The following TMEM150C variants were observed in gnomAD, a reference collection of about 807,000 sequenced individuals.
TMEM150C encodes the protein transmembrane protein 150C, also known as tentonin 3.
Under a neutral mutation model 29.9 loss-of-function variants are expected in TMEM150C, and 10 were observed. The ratio of observed to expected loss-of-function variants is 0.33; its 90% confidence interval spans 0.21 to 0.57. The LOEUF is 0.57. Among genes scored for constraint, TMEM150C ranks in the 20% least tolerant of loss-of-function variants. The pLI, the probability that TMEM150C is intolerant of heterozygous loss-of-function variation, is 0.88. For missense variants in TMEM150C, 251 were observed against 303.6 expected (o/e 0.83, Z 1.29); for synonymous variants, 101 against 112.5 (o/e 0.90, Z 0.64).
intron 6 of TMEM150C, among the ~76,000 whole-genome samples, chr4:82,492,446 G>T (rs1723386576): frequency 6.9e-6 from 1 of 144,032 alleles, no homozygotes; most frequent in African/African-American, 2.8e-5. Context: ...TTGTTAATGA[G>T]AATTTTTTTA....
chr4:82,506,798 A>G (rs1723935885), intron 1 of TMEM150C, among the ~76,000 whole-genome samples: 1 of 152,232 alleles, frequency 6.6e-6, no homozygotes, highest in East Asian at 1.9e-4. Flanking sequence ...TATGCCAACA[A>G]AAATAATTCC....
intron 2 of TMEM150C, among the ~76,000 whole-genome samples, chr4:82,503,381 T>C (rs1252898189): frequency 6.6e-6 from 1 of 152,180 alleles, no homozygotes; most frequent in East Asian, 1.9e-4. Flanking sequence ...ACTTACAACT[T>C]TGAGCAAACT....
In TMEM150C at chr4:82,484,758, A is replaced by G. The variant is rs1195077216; in HGVS notation, c.*753T>C. 6.6e-6 allele frequency: 1 copy of G among 152,250 alleles called. No homozygotes were observed. The allele number at this position is 152,250 out of a possible 1,614,324, so 9.4% of individuals were successfully genotyped here. A position where few individuals can be genotyped will look rare whatever the true frequency, so the allele number is the denominator to read the frequency against. The stretch of plus-strand genomic sequence containing the variant: ...AAATATAAAACATTGTACATGGCAT[A>G]CTATGAAAGCAAACACTAAACCATA... On this transcript the variant is annotated 3_prime_UTR_variant, in exon 8 of 8. Transcript: ENST00000449862.
At chr4:82,489,166 T>C (rs1455944926) in intron 7 of TMEM150C, among the ~76,000 whole-genome samples, 3 of 150,632 alleles carry the variant, frequency 2.0e-5, no homozygotes, top group Non-Finnish European at 4.4e-5. Context: ...CCTCCCCAAG[T>C]GTTGAACACT....
intron 1 of TMEM150C, among the ~76,000 whole-genome samples, chr4:82,541,577 T>A (rs183266631): frequency 3.9e-5 from 6 of 152,350 alleles, no homozygotes; most frequent in Admixed American, 3.3e-4. Flanking sequence ...TATTCTAAAT[T>A]AGTACAAAGA....
chr4:82,528,656 T>C (rs1161269929), intron 1 of TMEM150C, among the ~76,000 whole-genome samples: 2 of 149,710 alleles, frequency 1.3e-5, no homozygotes, highest in Non-Finnish European at 3.0e-5. Flanking sequence ...TGGAGTGCAG[T>C]GGTGCAATCT....
chr4:82,526,099 T>A (rs1015498773), intron 1 of TMEM150C, among the ~76,000 whole-genome samples: 1 of 152,076 alleles, frequency 6.6e-6, no homozygotes, highest in Non-Finnish European at 1.5e-5. Context: ...GAGACAGGGT[T>A]TTACCATTTA....
Position 82,503,076 on chromosome 4 carries a change from T to C in TMEM150C, c.117A>G (p.Pro39=). 6.2e-7 allele frequency: 1 copy of C among 1,612,770 alleles called. No homozygotes were observed. Among genetic ancestry groups the C allele is most frequent in the Non-Finnish European group, 8.5e-7 (1 of 1,179,426 alleles). ...FIAVEDDKIL[P]LNSAERKPGV... ...AACTTTACCTTTCAGCTGAATTTAA[T>C]GGTAAAATTTTGTCATCTTCCACAG... The change falls in exon 3 of 8, where the codon CCA becomes CCG. Residue 39 remains proline (P), a synonymous_variant. Coordinates refer to ENST00000449862, the MANE Select transcript of TMEM150C (RefSeq NM_001080506.3).
At chr4:82,562,087 G>A (rs945288829), upstream of TMEM150C, 5 of 1,184,012 alleles carry the variant, frequency 4.2e-6, no homozygotes, top group African/African-American at 6.6e-5. Flanking sequence ...TGGGGTCCCC[G>A]CTGCTAGGCC....
chr4:82,486,335 TAAAAAAAAAA>T (rs527967958), intron 7 of TMEM150C, among the ~76,000 whole-genome samples: 8 of 51,284 alleles, frequency 1.6e-4, no homozygotes, highest in Non-Finnish European at 2.0e-4. Flanking sequence ...GACTCCATCT[TAAAAAAAAAA>T]AAAAAAAAAA....
At chr4:82,535,748 AT>A (rs2110084969) in intron 1 of TMEM150C, among the ~76,000 whole-genome samples, 1 of 152,366 alleles carries the variant, frequency 6.6e-6, no homozygotes, top group Admixed American at 6.5e-5. Context: ...GCAGTAGTTT[AT>A]GCATTAAAGA....
intron 1 of TMEM150C, among the ~76,000 whole-genome samples, chr4:82,512,793 AT>A (rs1441334190): frequency 6.6e-6 from 1 of 152,182 alleles, no homozygotes; most frequent in Non-Finnish European, 1.5e-5. Context: ...AGTTTTTGTT[AT>A]ATATATTTCA....
Position 82,484,542 on chromosome 4 carries a change from T to C in TMEM150C, c.*969A>G, listed in dbSNP as rs1723099526. On this transcript the variant is annotated 3_prime_UTR_variant, in exon 8 of 8. Coordinates refer to ENST00000449862, the MANE Select transcript of TMEM150C (RefSeq NM_001080506.3). ...AATGTCCAGCAGCAGCTCTTTTTATTACCTCTGCACATCCATATTTCTTTC... is the reference window on the plus strand; with the variant it reads ...AATGTCCAGCAGCAGCTCTTTTTATCACCTCTGCACATCCATATTTCTTTC... 2 of 152,166 alleles carry C rather than the reference T, an allele frequency of 1.3e-5. No homozygotes were observed. The highest frequency in any genetic ancestry group is 6.5e-5 in the Admixed American group (1 of 15,276). 9.4% of individuals were successfully genotyped at this position (152,166 alleles called of 1,614,324 possible).
intron 1 of TMEM150C, among the ~76,000 whole-genome samples, chr4:82,539,695 G>T (rs1725137130): frequency 6.6e-6 from 1 of 152,128 alleles, no homozygotes; most frequent in Non-Finnish European, 1.5e-5. Context: ...CTCGTGATCT[G>T]CCCGCTTCTG....
At chr4:82,488,533 C>T (rs1175159267) in intron 7 of TMEM150C, among the ~76,000 whole-genome samples, 2 of 152,186 alleles carry the variant, frequency 1.3e-5, no homozygotes, top group African/African-American at 2.4e-5. Context: ...GTACAATCTA[C>T]CCTTTAGGAA....
At chr4:82,492,034 C>T (rs1327873433) in intron 6 of TMEM150C, among the ~76,000 whole-genome samples, 2 of 149,900 alleles carry the variant, frequency 1.3e-5, no homozygotes. Flanking sequence ...TTCCTGGGTT[C>T]AAGCGATTCT....
chr4:82,499,743 A>AAAAAAAAAAC (rs1723673314), intron 5 of TMEM150C, among the ~76,000 whole-genome samples: 1 of 151,328 alleles, frequency 6.6e-6, no homozygotes, highest in African/African-American at 2.4e-5. Flanking sequence ...AAAAAAAAAA[A>AAAAAAAAAAC]AGCACAAATA....
chr4:82,500,087 C>T (rs1198639351), intron 5 of TMEM150C, among the ~76,000 whole-genome samples: 2 of 152,124 alleles, frequency 1.3e-5, no homozygotes, highest in African/African-American at 4.8e-5. Context: ...TCTCCTACCC[C>T]GTGGAAAGAA....
chr4:82,541,707 T>C (rs535055793), intron 1 of TMEM150C, among the ~76,000 whole-genome samples: 2 of 152,312 alleles, frequency 1.3e-5, no homozygotes, highest in African/African-American at 4.8e-5. Context: ...TCCCACTATG[T>C]ACTTAAATGA....
Sources: allele counts gnomAD v4.1 joint callset (sites outside exome capture counted in the v4.1 genomes callset), GRCh38; gene constraint gnomAD v4.1.1; transcripts MANE v1.5; gene names NCBI Gene and HGNC (gene_info 2026-07-23, HGNC 2026-07-21).